AP3D1: variants seen among roughly 807,000 people sequenced by gnomAD.
The protein encoded by AP3D1 is adaptor related protein complex 3 subunit delta 1.
AP3D1 carries 51 observed loss-of-function variants against 147.6 expected under a neutral mutation model. That is an observed-to-expected ratio of 0.35 (90% CI 0.28 to 0.44). The LOEUF (loss-of-function observed/expected upper bound fraction) is 0.44. Among genes scored for constraint, AP3D1 ranks in the 20% least tolerant of loss-of-function variants. The probability of loss-of-function intolerance (pLI) is 1.00; values close to 1 mark genes in which losing one functional copy is unlikely to be tolerated. For synonymous variants in AP3D1, 760 were observed against 663.0 expected (o/e 1.15, Z -2.25); for missense variants, 1,421 against 1,624.2 (o/e 0.87, Z 2.15).
At position 2,127,199 on chromosome 19, in the gene AP3D1, G is replaced by C; in HGVS notation, c.809C>G (p.Thr270Arg). 1.2e-6 allele frequency: 2 copies of C among 1,613,776 alleles called. No homozygotes were observed. The highest frequency in any genetic ancestry group is 1.7e-6 in the Non-Finnish European group (2 of 1,179,970). Residue 270 changes from threonine (T) to arginine (R), a missense_variant and splice_region_variant, in exon 9 of 32, where the codon ACG (threonine) becomes AGG (arginine). Transcript: ENST00000643116. ...TTCATAGAGGAGAGACATGGCAGAC[G>C]TGCTAAGGAAAGGAACACAGGGAAG... ...IEPLTNLIHSTSAMSLLYECV... is the reference protein window; with the variant it reads ...IEPLTNLIHSRSAMSLLYECV...
At chr19:2,108,968 G>A (rs945977676) in intron 30 of AP3D1, 118 bp downstream of exon 30, 27 of 1,502,058 alleles carry the variant, frequency 1.8e-5, no homozygotes, top group Admixed American at 4.5e-5. Context: ...CCAGCCACCC[G>A]GGATCCCAAA....
chr19:2,112,897 C>T lies in AP3D1; in HGVS notation c.2750G>A (p.Gly917Asp). The T allele has an allele frequency of 6.2e-7, 1 of 1,613,342 alleles. No homozygotes were observed. Among genetic ancestry groups the T allele is most frequent in the Non-Finnish European group, 8.5e-7 (1 of 1,179,692 alleles). Residue 917 changes from glycine (G) to aspartate (D), a missense_variant, in exon 24 of 32, where the codon GGC becomes GAC. Transcript: ENST00000643116. The stretch of plus-strand genomic sequence containing the variant: ...TTGCCCCTCGGCATCGTCCTCCTCG[C>T]CCTGCGCCTCCGTCTTGGCGTCCTC... Reference protein sequence around the residue: ...ECEDAKTEAQGEEDDAEGQDQ... With the variant: ...ECEDAKTEAQDEEDDAEGQDQ...
chr19:2,103,821 C>A (rs1211790716), intron 31 of AP3D1, among the ~76,000 whole-genome samples: 1 of 151,738 alleles, frequency 6.6e-6, no homozygotes, highest in Non-Finnish European at 1.5e-5. Flanking sequence ...CCTCGGCAGA[C>A]CCCAGTGCCA....
chr19:2,134,948 C>T (rs941888742), intron 4 of AP3D1, among the ~76,000 whole-genome samples: 3 of 152,080 alleles, frequency 2.0e-5, no homozygotes, highest in Non-Finnish European at 2.9e-5. Flanking sequence ...GCAGTAATCC[C>T]AGCACTTGGT....
At chr19:2,104,475 T>TCCAAG (rs2018053242) in intron 31 of AP3D1, among the ~76,000 whole-genome samples, 1 of 100,108 alleles carries the variant, frequency 1.0e-5, no homozygotes, top group African/African-American at 4.9e-5. Context: ...AAGACACCAA[T>TCCAAG]GCCCAGACCC....
Position 2,118,711 on chromosome 19 carries a change from G to C in AP3D1, c.1603C>G (p.Gln535Glu), listed in dbSNP as rs753412949. The C allele has an allele frequency of 6.2e-7, 1 of 1,613,596 alleles. No individual in the cohort carries two copies. The highest frequency in any genetic ancestry group is 8.5e-7 in the Non-Finnish European group (1 of 1,180,006). Residue 535 changes from glutamine to glutamate, a missense_variant, in exon 15 of 32, where the codon CAG (glutamine) becomes GAG (glutamate). By Grantham distance (29) the Gln-to-Glu change is conservative (BLOSUM62 2). This residue lies in a region of AP3D1 where 310 missense variants were observed against 388.1 expected (regional missense o/e 0.80). Coordinates refer to ENST00000643116, the MANE Select transcript of AP3D1 (RefSeq NM_001261826.3). Reference protein sequence around the residue: ...NVVKLYASILQQKEQAGEAEG... With the variant: ...NVVKLYASILEQKEQAGEAEG... The stretch of plus-strand genomic sequence containing the variant: ...GCCTCCCCGGCCTGCTCCTTCTGCT[G>C]CAGGATGGAGGCGTAGAGCTTGACC...
At chr19:2,125,730 C>A (rs757423799) in intron 9 of AP3D1, among the ~76,000 whole-genome samples, 3 of 151,802 alleles carry the variant, frequency 2.0e-5, no homozygotes, top group Non-Finnish European at 4.4e-5. Flanking sequence ...AGGCCGGGCG[C>A]GGTGTGTAGA....
intron 11 of AP3D1, among the ~76,000 whole-genome samples, chr19:2,122,170 A>G (rs1377566993): frequency 6.6e-6 from 1 of 151,604 alleles, no homozygotes; most frequent in African/African-American, 2.4e-5. Flanking sequence ...TCCTCTTCCC[A>G]CCCAGCCAGT....
chr19:2,153,065 A>G (rs2019592030), upstream of AP3D1, among the ~76,000 whole-genome samples: 2 of 151,318 alleles, frequency 1.3e-5, no homozygotes, highest in African/African-American at 4.9e-5. Context: ...CTTAAAAAAA[A>G]AAAAAAAAAA....
At chr19:2,145,182 A>G (rs1049227166) in intron 1 of AP3D1, among the ~76,000 whole-genome samples, 2 of 152,246 alleles carry the variant, frequency 1.3e-5, no homozygotes, top group Non-Finnish European at 2.9e-5. Flanking sequence ...GTGAGGCTCC[A>G]TCTGGACCGC....
At chr19:2,110,036 C>T (rs1297990096) in intron 28 of AP3D1, 78 bp from the exon 29 acceptor site, 204 of 1,588,622 alleles carry the variant, frequency 1.3e-4, no homozygotes, top group Non-Finnish European at 1.1e-5. Context: ...AGGCAGGTGG[C>T]CCACTTCCCC....
At chr19:2,158,774 C>T (rs897075336) in intron 1 of AP3D1, among the ~76,000 whole-genome samples, 5 of 152,066 alleles carry the variant, frequency 3.3e-5, no homozygotes, top group African/African-American at 1.2e-4. Flanking sequence ...TTCTAATCTC[C>T]TTGCTAATCT....
chr19:2,111,574 C>G (rs1327815747), intron 25 of AP3D1, 105 bp downstream of exon 25: 3 of 1,416,028 alleles, frequency 2.1e-6, no homozygotes, highest in Non-Finnish European at 2.8e-6. Flanking sequence ...GGCTTCTTCT[C>G]GAATCTGCTC....
chr19:2,134,092 T>C (rs2019017590), intron 4 of AP3D1, among the ~76,000 whole-genome samples: 1 of 151,758 alleles, frequency 6.6e-6, no homozygotes, highest in South Asian at 2.1e-4. Context: ...AGTGAGACTC[T>C]GTCTCAAAAA....
At chr19:2,151,691 G>C (rs1301088693), upstream of AP3D1, 1 of 152,526 alleles carries the variant, frequency 6.6e-6, no homozygotes, top group Non-Finnish European at 1.5e-5. Context: ...ACGACAGGTA[G>C]TCCAATGGAA....
chr19:2,111,359 T>C (rs759111348), intron 25 of AP3D1, 27 bp from the exon 26 acceptor site: 2 of 1,613,632 alleles, frequency 1.2e-6, no homozygotes, highest in East Asian at 2.2e-5. Context: ...CGCATCAGCC[T>C]TGGGGGCCCC....
At chr19:2,134,273 C>G (rs1277454861) in intron 4 of AP3D1, among the ~76,000 whole-genome samples, 1 of 151,808 alleles carries the variant, frequency 6.6e-6, no homozygotes, top group Non-Finnish European at 1.5e-5. Flanking sequence ...CAAAAAAAAT[C>G]AGCCAGGTGT....
At chr19:2,113,041 C>T (rs1028127071) in intron 23 of AP3D1, 74 bp from the exon 24 acceptor site, 1 of 1,075,258 alleles carries the variant, frequency 9.3e-7, no homozygotes, top group Non-Finnish European at 1.4e-6. Flanking sequence ...AGACAGCCTC[C>T]ATGCCACACA....
Position 2,120,913 on chromosome 19 carries a change from C to T in AP3D1, c.1430G>A (p.Gly477Glu). 6.2e-7 allele frequency: 1 copy of T among 1,611,486 alleles called. No homozygotes were observed. Among genetic ancestry groups the T allele is most frequent in the Non-Finnish European group, 8.5e-7 (1 of 1,180,012 alleles). Reference sequence around the variant, plus strand: ...GGCAGCGTACAGCACCTCACAGATCCCGTTCCGCTGGGTGCTGCTGGCCAG... The same window carrying T: ...GGCAGCGTACAGCACCTCACAGATCTCGTTCCGCTGGGTGCTGCTGGCCAG... Reference protein sequence around the residue: ...HLLASSTQRNGICEVLYAAAW... With the variant: ...HLLASSTQRNEICEVLYAAAW... Residue 477 changes from glycine to glutamate, a missense_variant, in exon 14 of 32, where the codon GGG becomes GAG. By Grantham distance (98) the Gly-to-Glu change is moderately conservative. Transcript: ENST00000643116.
Sources: gnomAD v4.1 joint callset for allele counts (sites outside exome capture counted in the v4.1 genomes callset) on GRCh38, gnomAD v4.1.1 for gene constraint, gnomAD v4.1.1 regional missense constraint, MANE v1.5 for transcripts, NCBI Gene and HGNC (gene_info 2026-07-23, HGNC 2026-07-21) for gene names.